DMD: variants seen among roughly 807,000 people sequenced by gnomAD.
The protein encoded by DMD is dystrophin.
Under a neutral mutation model 330.1 loss-of-function variants are expected in DMD, and 63 were observed. That is an observed-to-expected ratio of 0.19 (90% confidence interval 0.16 to 0.24). DMD has a LOEUF of 0.24. Among genes scored for constraint, DMD ranks in the 10% least tolerant of loss-of-function variants. The pLI, the probability that DMD is intolerant of heterozygous loss-of-function variation, is 1.00. For missense variants in DMD, 3,344 were observed against 2,684.1 expected (o/e 1.25, Z -5.43); for synonymous variants, 1,223 against 959.8 (o/e 1.27, Z -5.07).
intron 2 of DMD, among the ~76,000 whole-genome samples, chrX:32,853,169 G>A (rs1006036058): frequency 8.9e-6 from 1 of 111,856 alleles, no homozygotes; most frequent in African/African-American, 3.3e-5. Flanking sequence ...CAGAAGCTGT[G>A]GGATTTCATC....
intron 44 of DMD, among the ~76,000 whole-genome samples, chrX:32,067,168 T>C (rs1306035828): frequency 9.0e-6 from 1 of 111,440 alleles, no homozygotes; most frequent in Non-Finnish European, 1.9e-5. Flanking sequence ...AATATGTAAT[T>C]ATTAGTTCAA....
chrX:32,434,467 T>C (rs2098251337), intron 29 of DMD, among the ~76,000 whole-genome samples: 1 of 112,040 alleles, frequency 8.9e-6, no homozygotes, highest in Non-Finnish European at 1.9e-5. Flanking sequence ...CTTTTTTGTT[T>C]AACCAACCAA....
chrX:32,335,388 T>C (rs111480601), intron 41 of DMD, among the ~76,000 whole-genome samples: 1 of 104,935 alleles, frequency 9.5e-6, no homozygotes, highest in Non-Finnish European at 1.9e-5. Flanking sequence ...AAAACATATA[T>C]AATACATATA....
intron 55 of DMD, among the ~76,000 whole-genome samples, chrX:31,513,687 G>A (rs2071885864): frequency 9.0e-6 from 1 of 111,194 alleles, no homozygotes; most frequent in East Asian, 2.8e-4. Context: ...TGAACAAAGG[G>A]GAAAAGGTAG....
At chrX:31,311,498 T>C (rs1251990049) in intron 62 of DMD, among the ~76,000 whole-genome samples, 1 of 111,507 alleles carries the variant, frequency 9.0e-6, no homozygotes, top group African/African-American at 3.3e-5. Flanking sequence ...TTCTGCTCCA[T>C]TGGTCTATAT....
At chrX:31,919,529 CTGG>C (rs1365790422) in intron 47 of DMD, among the ~76,000 whole-genome samples, 1 of 111,968 alleles carries the variant, frequency 8.9e-6, no homozygotes, top group Non-Finnish European at 1.9e-5. Context: ...GGCCCATTTG[CTGG>C]TCCATCTCTT....
intron 55 of DMD, among the ~76,000 whole-genome samples, chrX:31,522,363 C>CTCTCTCTCTCTATATATA: frequency 8.6e-4 from 31 of 35,958 alleles, no homozygotes; most frequent in East Asian, 9.7e-4. Context: ...CTCTCTCTCT[C>CTCTCTCTCTCTATATATA]TATATATATA....
chrX:32,842,599 T>TG lies in DMD; in HGVS notation c.264+2183dup, dbSNP rs200016011. Among the ~76,000 whole-genome samples, 157 of 111,222 alleles carry TG rather than the reference T, an allele frequency of 1.4e-3. No homozygotes were observed. The South Asian group carries it at 0.027, about 19-fold the overall frequency. On this transcript the variant is annotated intron_variant, in intron 4 of 78. Coordinates refer to ENST00000357033, the MANE Select transcript of DMD (RefSeq NM_004006.3). ...AGTCTCAAAGTTCCCCAGCACTAGC[T>TG]GCTGCTGGCTCTTTGTTCCCTTGTG...
chrX:32,526,568 A>G (rs1569133300), intron 17 of DMD, among the ~76,000 whole-genome samples: 1 of 111,615 alleles, frequency 9.0e-6, no homozygotes, highest in Non-Finnish European at 1.9e-5. Flanking sequence ...TCAGTATTAT[A>G]TTGTACAAAC....
At chrX:31,542,362 A>G (rs1191752133) in intron 55 of DMD, among the ~76,000 whole-genome samples, 1 of 112,001 alleles carries the variant, frequency 8.9e-6, no homozygotes, top group Non-Finnish European at 1.9e-5. Context: ...AGTACAATAC[A>G]GTGATTAAGA....
chrX:32,394,916 C>CAAA (rs72234458), intron 30 of DMD, among the ~76,000 whole-genome samples: 7 of 39,044 alleles, frequency 1.8e-4, no homozygotes, highest in Admixed American at 1.2e-3. Context: ...AACAAAAAAA[C>CAAA]AAAAAAAAAA....
chrX:33,013,615 G>T (rs754629749), intron 2 of DMD, among the ~76,000 whole-genome samples: 4 of 112,181 alleles, frequency 3.6e-5, no homozygotes, highest in Non-Finnish European at 5.6e-5. Context: ...TTCTGTTAAA[G>T]CAGGCACATT....
At chrX:31,891,477 T>C (rs1390875577) in intron 47 of DMD, among the ~76,000 whole-genome samples, 3 of 111,657 alleles carry the variant, frequency 2.7e-5, no homozygotes, top group African/African-American at 9.8e-5. Context: ...GGCTTATGGG[T>C]CACATTCAGC....
rs139915839 is a variant in DMD at position 32,353,031 on chromosome X, T to C, written c.5326-4503A>G. On this transcript the variant is annotated intron_variant, in intron 37 of 78. Transcript: ENST00000357033. ...AGGTGCTTATTATATCAATCGGTAGTTTTAGAACTACCTATATATTAATTT... is the reference window on the plus strand; with the variant it reads ...AGGTGCTTATTATATCAATCGGTAGCTTTAGAACTACCTATATATTAATTT... Among the ~76,000 whole-genome samples the C allele has an allele frequency of 4.1e-3, 455 of 111,101 alleles. 23 individuals carry two copies. In the East Asian group the frequency reaches 0.12, roughly 29 times the overall value.
At chrX:32,053,263 T>C (rs2053125194) in intron 44 of DMD, among the ~76,000 whole-genome samples, 1 of 111,446 alleles carries the variant, frequency 9.0e-6, no homozygotes, top group African/African-American at 3.3e-5. Context: ...CAATTTTGGC[T>C]TAGACAGTTT....
At chrX:33,296,766 T>C (rs1315573714) in intron 1 of DMD, among the ~76,000 whole-genome samples, 2 of 110,995 alleles carry the variant, frequency 1.8e-5, no homozygotes, top group Non-Finnish European at 3.8e-5. Context: ...AGCCCATATG[T>C]CAAAGGAAGA....
intron 2 of DMD, among the ~76,000 whole-genome samples, chrX:32,994,376 G>C (rs1229213651): frequency 1.8e-5 from 2 of 109,603 alleles, no homozygotes; most frequent in Non-Finnish European, 3.8e-5. Context: ...TTGAACTTGG[G>C]AATCTTGAAA....
chrX:31,433,765 T>A (rs2064262377), intron 60 of DMD, among the ~76,000 whole-genome samples: 1 of 111,955 alleles, frequency 8.9e-6, no homozygotes, highest in African/African-American at 3.2e-5. Flanking sequence ...GGTCATTTTT[T>A]TCTTGGAGTT....
intron 47 of DMD, among the ~76,000 whole-genome samples, chrX:31,888,110 C>G (rs2094182001): frequency 9.0e-6 from 1 of 111,086 alleles, no homozygotes; most frequent in African/African-American, 3.3e-5. Flanking sequence ...GTGAGGAATA[C>G]AGAGTAGAAG....
Sources: allele counts gnomAD v4.1 joint callset (sites outside exome capture counted in the v4.1 genomes callset), GRCh38; gene constraint gnomAD v4.1.1; transcripts MANE v1.5; gene names NCBI Gene and HGNC (gene_info 2026-07-23, HGNC 2026-07-21).